The following MAB21L4 variants were observed in gnomAD, a reference collection of about 807,000 sequenced individuals.
The protein encoded by MAB21L4 is mab-21 like 4.
MAB21L4 carries 25 observed loss-of-function variants against 32.4 expected under a neutral mutation model. That is an observed-to-expected ratio of 0.77 (90% CI 0.56 to 1.08). The LOEUF is 1.08. Among genes scored for constraint, MAB21L4 ranks in the 50% least tolerant of loss-of-function variants. The pLI, the probability that MAB21L4 is intolerant of heterozygous loss-of-function variation, is 0.00. For synonymous variants in MAB21L4, 280 were observed against 276.8 expected (o/e 1.01, Z -0.11); for missense variants, 638 against 611.0 (o/e 1.04, Z -0.47).
rs199859427 is a variant in MAB21L4 at position 240,887,082 on chromosome 2, G to A, written c.1332C>T (p.Gly444=). ...SIFQKTRTLG[G]EES ...CAGGTGGCCCAGCTCAGCTCTCCTC[G>A]CCTCCCAGAGTCCTGGTCTTCTGGA... Residue 444 remains glycine (G), a synonymous_variant, in exon 5 of 5, where the codon GGC becomes GGT. Coordinates refer to ENST00000388934, the MANE Select transcript of MAB21L4 (RefSeq NM_001085437.3). The A allele has an allele frequency of 3.3e-5, 53 of 1,613,896 alleles. No individual in the cohort carries two copies. Among genetic ancestry groups the A allele is most frequent in the East Asian group, 3.1e-4 (14 of 44,884 alleles).
In MAB21L4 at chr2:240,895,790, A is replaced by C; in HGVS notation, c.208T>G (p.Phe70Val). The change falls in exon 1 of 5, where the codon TTC becomes GTC. Residue 70 changes from phenylalanine to valine, a missense_variant. Phe to Val is a conservative substitution (Grantham distance 50). Transcript: ENST00000388934. The part of the protein sequence containing the change: ...DYSRGLEAFQ[F>V]ALRSSEDPMD... ...GGGTCCTCAGAGGAGCGCAGGGCGA[A>C]CTGGAAGGCCTCCAGGCCACGGGAG... is the stretch of plus-strand genomic sequence containing the variant. 1 of 1,606,400 alleles carries C rather than the reference A, an allele frequency of 6.2e-7. No individual in the cohort carries two copies. The highest frequency in any genetic ancestry group is 8.5e-7 in the Non-Finnish European group (1 of 1,175,360).
In MAB21L4 at chr2:240,891,630, C is replaced by A. The variant is rs201641583; in HGVS notation, c.648G>T (p.Gly216=). The change falls in exon 2 of 5, where the codon GGG becomes GGT. Residue 216 remains glycine, a synonymous_variant. Transcript: ENST00000388934. The part of the protein sequence containing the change: ...RRKLGAPALE[G]VQQMPGFPEG... ...CAGGGAATCCGGGCATCTGCTGCAC[C>A]CCCTCCAGGGCAGGCGCCCCAAGCT... The A allele has an allele frequency of 8.7e-5, 140 of 1,609,326 alleles. No individual in the cohort carries two copies. The highest frequency in any genetic ancestry group is 1.1e-4 in the Non-Finnish European group (132 of 1,179,976).
chr2:240,893,649 G>C (rs563703908), intron 1 of MAB21L4, among the ~76,000 whole-genome samples: 1 of 152,124 alleles, frequency 6.6e-6, no homozygotes, highest in Non-Finnish European at 1.5e-5. Context: ...GTCAGGAAAC[G>C]ATGCCTGGAA....
At chr2:240,887,211 CATG>C in intron 4 of MAB21L4, 49 bp from the exon 5 acceptor site, 1 of 1,492,660 alleles carries the variant, frequency 6.7e-7, no homozygotes, top group Non-Finnish European at 9.3e-7. Context: ...CCCTGGAGCC[CATG>C]ATAAGCTCTC....
At chr2:240,889,969 G>T in intron 3 of MAB21L4, 36 bp downstream of exon 3, 1 of 1,581,684 alleles carries the variant, frequency 6.3e-7, no homozygotes, top group Non-Finnish European at 8.6e-7. Flanking sequence ...CCTGGGCCCT[G>T]GTGACAGACA....
upstream of MAB21L4, chr2:240,896,199 G>GGGGTGAGTCAGTCCCCA (rs1362721768): frequency 3.2e-6 from 4 of 1,265,654 alleles, no homozygotes; most frequent in Non-Finnish European, 4.0e-6. Flanking sequence ...CTTTGAAGTG[G>GGGGTGAGTCAGTCCCCA]GGGTGAGTCA....
rs752394489 is a variant in MAB21L4 at position 240,890,146 on chromosome 2, G to A, written c.753C>T (p.Asp251=). The A allele has an allele frequency of 5.0e-6, 8 of 1,606,078 alleles. No homozygotes were observed. The highest frequency in any genetic ancestry group is 6.8e-6 in the Non-Finnish European group (8 of 1,174,792). ...CCCCCAGCAGCCTCGTGAGCAGGTA[G>A]TCAGTGGAGGTCCTGGGGCCCAGAC... The part of the protein sequence containing the change: ...ASAQLWRTST[D]YLLTRLLGEL... The change falls in exon 3 of 5, where the codon GAC becomes GAT. Residue 251 remains aspartate, a synonymous_variant. Transcript: ENST00000388934.
In MAB21L4 at chr2:240,895,908, C is replaced by T. The variant is rs749015236; in HGVS notation, c.90G>A (p.Ala30=). The change falls in exon 1 of 5, where the codon GCG becomes GCA. Residue 30 remains alanine, a synonymous_variant. Coordinates refer to ENST00000388934, the MANE Select transcript of MAB21L4 (RefSeq NM_001085437.3). The stretch of plus-strand genomic sequence containing the variant: ...CGCGCTGGAAGTCCTGGGCACGCGG[C>T]GCCTCCCGGGACCGGATGGCCTGCA... ...HYLQAIRSRE[A]PRAQDFQRAE... 16 of 1,522,694 alleles carry T rather than the reference C, an allele frequency of 1.1e-5. No homozygotes were observed. The highest frequency in any genetic ancestry group is 5.5e-5 in the African/African-American group (4 of 72,356). The allele number at this position is 1,522,694 out of a possible 1,614,324, so 94.3% of individuals were successfully genotyped here.
In MAB21L4 at chr2:240,886,935, T is replaced by C; in HGVS notation, c.*135A>G. On this transcript the variant is annotated 3_prime_UTR_variant, in exon 5 of 5. Transcript: ENST00000388934. ...CTGAAAGACTCTCAGAGGCCACTGC[T>C]GGGGACAAAATCCCTCCACTACCCC... 1.5e-6 allele frequency: 1 copy of C among 660,456 alleles called. No homozygotes were observed. Among genetic ancestry groups the C allele is most frequent in the South Asian group, 2.0e-5 (1 of 50,288 alleles). The allele number at this position is 660,456 out of a possible 1,614,324, so 40.9% of individuals were successfully genotyped here. A position where few individuals can be genotyped will look rare whatever the true frequency, so the allele number is the denominator to read the frequency against.
At chr2:240,890,723 G>A (rs12464586) in intron 2 of MAB21L4, among the ~76,000 whole-genome samples, 33 of 151,930 alleles carry the variant, frequency 2.2e-4, no homozygotes, top group African/African-American at 7.3e-4. Flanking sequence ...AGTGTCCCCC[G>A]CAAGCCTACA....
In MAB21L4 at chr2:240,887,182, G is replaced by A; in HGVS notation, c.1252-20C>T. The A allele has an allele frequency of 6.2e-7, 1 of 1,604,440 alleles. No homozygotes were observed. The highest frequency in any genetic ancestry group is 8.5e-7 in the Non-Finnish European group (1 of 1,171,282). ...CTGGAACTACAGGCAGGGTTGCAGG[G>A]GAGAAGGGTTACAGGGACCCCTGGA... On this transcript the variant is annotated intron_variant, in intron 4 of 4. Coordinates refer to ENST00000388934, the MANE Select transcript of MAB21L4 (RefSeq NM_001085437.3).
At chr2:240,892,560 T>C (rs1324089391) in intron 1 of MAB21L4, among the ~76,000 whole-genome samples, 4 of 152,092 alleles carry the variant, frequency 2.6e-5, no homozygotes, top group Admixed American at 6.5e-5. Flanking sequence ...GAGAGCCAGC[T>C]CGGCCACCGC....
intron 1 of MAB21L4, among the ~76,000 whole-genome samples, chr2:240,894,193 T>C (rs13390816): frequency 0.54 from 81,632 of 151,374 alleles, 23,167 homozygotes; most frequent in African/African-American, 0.73. Flanking sequence ...AAGCAGATCA[T>C]GGCCTCTCGC....
At chr2:240,896,487 C>T (rs2059188268), upstream of MAB21L4, among the ~76,000 whole-genome samples, 1 of 152,176 alleles carries the variant, frequency 6.6e-6, no homozygotes, top group Non-Finnish European at 1.5e-5. Flanking sequence ...GCCCCAGCCT[C>T]CCTGCCAGGT....
intron 1 of MAB21L4, among the ~76,000 whole-genome samples, chr2:240,892,375 G>A (rs6737966): frequency 0.55 from 80,632 of 145,942 alleles, 22,886 homozygotes; most frequent in African/African-American, 0.73. Context: ...CCCTGCCCCT[G>A]GAAGCTTCCC....
At position 240,891,633 on chromosome 2, in the gene MAB21L4, C is replaced by G. The variant is rs760294932; in HGVS notation, c.645G>C (p.Glu215Asp). Residue 215 changes from glutamate to aspartate, a missense_variant, in exon 2 of 5, where the codon GAG (glutamate) becomes GAC (aspartate). Physicochemically the swap from Glu to Asp is conservative, Grantham distance 45. Coordinates refer to ENST00000388934, the MANE Select transcript of MAB21L4 (RefSeq NM_001085437.3). ...GGAATCCGGGCATCTGCTGCACCCC[C>G]TCCAGGGCAGGCGCCCCAAGCTTCC... The part of the protein sequence containing the change: ...VRRKLGAPAL[E>D]GVQQMPGFPE... 2 of 1,609,332 alleles carry G rather than the reference C, an allele frequency of 1.2e-6. No individual in the cohort carries two copies. The highest frequency in any genetic ancestry group is 4.5e-5 in the East Asian group (2 of 44,884).
chr2:240,887,091 A>T lies in MAB21L4; in HGVS notation c.1323T>A (p.Thr441=). ...AMQSIFQKTR[T]LGGEES ...CAGCTCAGCTCTCCTCGCCTCCCAG[A>T]GTCCTGGTCTTCTGGAAGATGCTCT... Residue 441 remains threonine, a synonymous_variant, in exon 5 of 5, where the codon ACT becomes ACA. Coordinates refer to ENST00000388934, the MANE Select transcript of MAB21L4 (RefSeq NM_001085437.3). 1 of 1,614,114 alleles carries T rather than the reference A, an allele frequency of 6.2e-7. No homozygotes were observed. The highest frequency in any genetic ancestry group is 1.1e-5 in the South Asian group (1 of 91,082).
intron 1 of MAB21L4, among the ~76,000 whole-genome samples, chr2:240,892,808 G>A (rs3935105): frequency 0.19 from 28,495 of 152,056 alleles, 2,885 homozygotes; most frequent in East Asian, 0.32. Context: ...GACCCCACCC[G>A]GGACCCAGCC....
In MAB21L4 at chr2:240,891,629, C is replaced by A. The variant is rs761433613; in HGVS notation, c.649G>T (p.Val217Leu). 52 of 1,609,182 alleles carry A rather than the reference C, an allele frequency of 3.2e-5. No homozygotes were observed. The highest frequency in any genetic ancestry group is 4.2e-5 in the Non-Finnish European group (49 of 1,179,980). Residue 217 changes from valine (V) to leucine (L), a missense_variant, in exon 2 of 5, where the codon GTG becomes TTG. Transcript: ENST00000388934. ...RKLGAPALEGVQQMPGFPEGS... is the reference protein window; with the variant it reads ...RKLGAPALEGLQQMPGFPEGS... ...TCAGGGAATCCGGGCATCTGCTGCA[C>A]CCCCTCCAGGGCAGGCGCCCCAAGC...
Sources: gnomAD v4.1 joint callset for allele counts (sites outside exome capture counted in the v4.1 genomes callset) on GRCh38, gnomAD v4.1.1 for gene constraint, MANE v1.5 for transcripts, NCBI Gene and HGNC (gene_info 2026-07-23, HGNC 2026-07-21) for gene names.